Variants in PLCB1 observed in about 807,000 individuals in gnomAD.
PLCB1 encodes the protein phospholipase C beta 1.
Under a neutral mutation model 161.8 loss-of-function variants are expected in PLCB1, and 46 were observed. The ratio of observed to expected loss-of-function variants is 0.28; its 90% CI spans 0.22 to 0.36. The LOEUF is 0.36. Ranked by LOEUF, PLCB1 falls within the 10% of genes least tolerant of loss-of-function variation. PLCB1 has a pLI of 1.00. For missense variants in PLCB1, 1,016 were observed against 1,472.5 expected (o/e 0.69, Z 5.07); for synonymous variants, 517 against 503.7 (o/e 1.03, Z -0.35).
rs142786771 is a variant in PLCB1, at chr20:8,708,514, G to A, written c.1168-156G>A. ...AGAATCAAGAGTCAGAATTAGCACCGTCCAGCAGCCCTCAAAATCCCTTCT... is the reference window on the plus strand; with the variant it reads ...AGAATCAAGAGTCAGAATTAGCACCATCCAGCAGCCCTCAAAATCCCTTCT... On this transcript the variant is annotated intron_variant, in intron 11 of 31. Coordinates refer to ENST00000338037, the MANE Select transcript of PLCB1 (RefSeq NM_015192.4). Among the ~76,000 whole-genome samples the A allele has an allele frequency of 2.7e-3, 413 of 152,134 alleles. 4 individuals are homozygous for A. The highest frequency in any genetic ancestry group is 0.025 in the East Asian group (128 of 5,174).
At chr20:8,523,839 C>G (rs1984476709) in intron 3 of PLCB1, among the ~76,000 whole-genome samples, 1 of 151,868 alleles carries the variant, frequency 6.6e-6, no homozygotes, top group South Asian at 2.1e-4. Context: ...CTGAGAAATG[C>G]CCAGTGAGAC....
chr20:8,504,423 A>G (rs1426797632), intron 3 of PLCB1, among the ~76,000 whole-genome samples: 1 of 152,206 alleles, frequency 6.6e-6, no homozygotes, highest in Non-Finnish European at 1.5e-5. Context: ...AAATAATGGT[A>G]AATAGCACTG....
At chr20:8,537,759 G>C (rs1226032456) in intron 3 of PLCB1, among the ~76,000 whole-genome samples, 1 of 152,032 alleles carries the variant, frequency 6.6e-6, no homozygotes, top group Non-Finnish European at 1.5e-5. Flanking sequence ...AATTTTCTAC[G>C]GAAATCTATC....
chr20:8,823,651 A>G (rs1183558384), intron 31 of PLCB1, among the ~76,000 whole-genome samples: 3 of 152,140 alleles, frequency 2.0e-5, no homozygotes, highest in Non-Finnish European at 2.9e-5. Flanking sequence ...GCCATTCTGA[A>G]CTAATATGTC....
rs926166239 is a variant in PLCB1 at position 8,280,165 on chromosome 20, G to A, written c.178-91217G>A. ...AGCCTGGCCAACATGGTGAAACCCC[G>A]TCTCTATTAAAAATACAAAAATTAG... On this transcript the variant is annotated intron_variant, in intron 2 of 31. Transcript: ENST00000338037. Among the ~76,000 whole-genome samples the A allele has an allele frequency of 5.3e-5, 8 of 151,738 alleles. No individual in the cohort carries two copies. In the East Asian group the frequency reaches 7.7e-4, roughly 15 times the overall value.
chr20:8,211,934 ATT>A (rs571053038), intron 2 of PLCB1, among the ~76,000 whole-genome samples: 8 of 152,182 alleles, frequency 5.3e-5, no homozygotes, highest in South Asian at 4.1e-4. Flanking sequence ...AAGCCTTTTA[ATT>A]TCTTTTATTA....
intron 31 of PLCB1, among the ~76,000 whole-genome samples, chr20:8,825,430 G>A (rs1173816326): frequency 2.0e-5 from 3 of 152,198 alleles, no homozygotes; most frequent in Admixed American, 6.5e-5. Context: ...AGGTCTGGTA[G>A]AGTGAGAAAG....
intron 3 of PLCB1, among the ~76,000 whole-genome samples, chr20:8,561,190 A>C (rs1310385075): frequency 2.6e-5 from 4 of 151,972 alleles, no homozygotes; most frequent in African/African-American, 7.2e-5. Context: ...TATTTCACTT[A>C]GAATCTCCTG....
chr20:8,630,362 C>T (rs369817109), intron 4 of PLCB1, among the ~76,000 whole-genome samples: 2 of 152,116 alleles, frequency 1.3e-5, no homozygotes, highest in African/African-American at 4.8e-5. Context: ...ATTTCTAACA[C>T]TTATGTAATA....
intron 3 of PLCB1, among the ~76,000 whole-genome samples, chr20:8,517,181 C>T (rs1984165836): frequency 6.6e-6 from 1 of 152,112 alleles, no homozygotes; most frequent in Non-Finnish European, 1.5e-5. Context: ...TTCCAGACAT[C>T]CCACAACCTA....
intron 2 of PLCB1, among the ~76,000 whole-genome samples, chr20:8,332,121 C>G (rs1408542024): frequency 1.3e-5 from 2 of 152,172 alleles, no homozygotes; most frequent in Non-Finnish European, 2.9e-5. Flanking sequence ...AGCATTTGAC[C>G]TTGCTCCCAT....
At chr20:8,585,547 G>A (rs911887381) in intron 3 of PLCB1, among the ~76,000 whole-genome samples, 4 of 152,260 alleles carry the variant, frequency 2.6e-5, no homozygotes, top group Non-Finnish European at 4.4e-5. Context: ...CTACCATATC[G>A]GTTCATGTCT....
chr20:8,852,517 G>T (rs1274746002), intron 31 of PLCB1, among the ~76,000 whole-genome samples: 1 of 152,304 alleles, frequency 6.6e-6, no homozygotes, highest in African/African-American at 2.4e-5. Context: ...ATGGGCCTGT[G>T]GTCCTGGGAA....
chr20:8,627,497 G>C (rs1422562089), intron 3 of PLCB1, among the ~76,000 whole-genome samples: 1 of 152,196 alleles, frequency 6.6e-6, no homozygotes. Flanking sequence ...AATTTGCTAA[G>C]TGATTGATTT....
At chr20:8,382,283 C>CTT (rs71331303) in intron 3 of PLCB1, among the ~76,000 whole-genome samples, 1,817 of 130,540 alleles carry the variant, frequency 0.014, 22 homozygotes, top group Non-Finnish European at 0.022. Context: ...GTTTCTTTTT[C>CTT]TTTTTTTTTT....
intron 31 of PLCB1, among the ~76,000 whole-genome samples, chr20:8,861,975 T>G (rs889427827): frequency 6.6e-6 from 1 of 152,210 alleles, no homozygotes; most frequent in South Asian, 2.1e-4. Flanking sequence ...ATATTAGATA[T>G]TTATTTTAAT....
chr20:8,682,783 T>C (rs190175657), intron 9 of PLCB1, among the ~76,000 whole-genome samples: 1 of 152,310 alleles, frequency 6.6e-6, no homozygotes, highest in East Asian at 1.9e-4. Flanking sequence ...ATACCATTGG[T>C]GAAAGTCAAT....
chr20:8,417,071 ATATTTTTTTTTTTTTT>A (rs1979326483), intron 3 of PLCB1, among the ~76,000 whole-genome samples: 2 of 51,658 alleles, frequency 3.9e-5, no homozygotes, highest in East Asian at 5.0e-4. Flanking sequence ...ATATATATAT[ATATTTTTTTTTTTTTT>A]TTTTTTTTTT....
At chr20:8,767,547 G>GACGCTGCCTCTAAACTCTAA (rs1982390384) in intron 26 of PLCB1, among the ~76,000 whole-genome samples, 1 of 152,138 alleles carries the variant, frequency 6.6e-6, no homozygotes, top group Non-Finnish European at 1.5e-5. Context: ...GAACAATGCA[G>GACGCTGCCTCTAAACTCTAA]ACGCTGCCTC....
Sources: allele counts gnomAD v4.1 joint callset (sites outside exome capture counted in the v4.1 genomes callset), GRCh38; gene constraint gnomAD v4.1.1; transcripts MANE v1.5; gene names NCBI Gene and HGNC (gene_info 2026-07-23, HGNC 2026-07-21).